TAFA4: variants seen among roughly 807,000 people sequenced by gnomAD.
TAFA4 encodes chemokine-like protein TAFA-4.
Under a neutral mutation model 21.1 loss-of-function variants are expected in TAFA4, and 20 were observed. The ratio of observed to expected loss-of-function variants is 0.95; its 90% CI spans 0.67 to 1.38. TAFA4 has a LOEUF of 1.38. Ranked by LOEUF, TAFA4 falls within the 40% of genes most tolerant of loss-of-function variation. The probability of loss-of-function intolerance (pLI) is 0.00; values close to 1 mark genes in which losing one functional copy is unlikely to be tolerated. For synonymous variants in TAFA4, 71 were observed against 67.4 expected, an observed-to-expected ratio of 1.05 and a Z score of -0.26; for missense variants, 211 against 180.9, an observed-to-expected ratio of 1.17 and a Z score of -0.95.
At chr3:68,739,261 T>G (rs1702302144) in intron 4 of TAFA4, 62 bp from the exon 5 acceptor site, 9 of 1,586,060 alleles carry the variant, frequency 5.7e-6, no homozygotes, top group Non-Finnish European at 6.9e-6. Context: ...ATGGACAAAA[T>G]AAAACTCAAT....
At chr3:68,825,501 C>T (rs79514147) in intron 3 of TAFA4, among the ~76,000 whole-genome samples, 2,138 of 152,296 alleles carry the variant, frequency 0.014, 44 homozygotes, top group African/African-American at 0.049. Flanking sequence ...AGCAAAGTAA[C>T]AGTTTCTTTA....
chr3:68,808,741 A>C (rs577257511), intron 3 of TAFA4, among the ~76,000 whole-genome samples: 1 of 152,352 alleles, frequency 6.6e-6, no homozygotes, highest in South Asian at 2.1e-4. Flanking sequence ...CACAGCAGTC[A>C]GAATAGGTTA....
chr3:68,916,856 C>T (rs113280710), intron 1 of TAFA4, among the ~76,000 whole-genome samples: 1,909 of 152,264 alleles, frequency 0.013, 28 homozygotes, highest in Middle Eastern at 0.024. Context: ...CCAGAAAGGG[C>T]TCTACCCCTG....
chr3:68,904,509 A>G (rs755699548), intron 1 of TAFA4, among the ~76,000 whole-genome samples: 1 of 152,360 alleles, frequency 6.6e-6, no homozygotes, highest in South Asian at 2.1e-4. Context: ...AAGTTTCCCA[A>G]TTTATATTGC....
At chr3:68,888,643 G>C (rs971107558) in intron 1 of TAFA4, among the ~76,000 whole-genome samples, 1 of 152,210 alleles carries the variant, frequency 6.6e-6, no homozygotes, top group East Asian at 1.9e-4. Context: ...CATAGTTCCA[G>C]AACTGGGAAG....
chr3:68,756,488 T>C (rs964023910), intron 3 of TAFA4, among the ~76,000 whole-genome samples: 1 of 152,226 alleles, frequency 6.6e-6, no homozygotes, highest in Non-Finnish European at 1.5e-5. Flanking sequence ...ATAAAACCAA[T>C]TTAAAAATAT....
intron 3 of TAFA4, among the ~76,000 whole-genome samples, chr3:68,808,814 G>T (rs1275075022): frequency 1.3e-5 from 2 of 152,142 alleles, no homozygotes; most frequent in African/African-American, 4.8e-5. Flanking sequence ...GTTTACTTCT[G>T]ACTTAATGTC....
At chr3:68,774,154 G>C (rs1229969196) in intron 3 of TAFA4, among the ~76,000 whole-genome samples, 2 of 152,168 alleles carry the variant, frequency 1.3e-5, no homozygotes, top group East Asian at 3.8e-4. Flanking sequence ...ACTTGGAAAG[G>C]TAGCCTCTGG....
chr3:68,885,357 A>C (rs565079928), intron 1 of TAFA4, 47 bp from the exon 2 acceptor site: 1 of 591,496 alleles, frequency 1.7e-6, no homozygotes, highest in South Asian at 2.3e-5. Flanking sequence ...TTAGCATTTT[A>C]ATGTTAAAAT....
chr3:68,776,505 T>C (rs1041823140), intron 3 of TAFA4, among the ~76,000 whole-genome samples: 6 of 152,176 alleles, frequency 3.9e-5, no homozygotes, highest in Admixed American at 6.5e-5. Flanking sequence ...AGCTTTAAAA[T>C]ATGTGAAACA....
chr3:68,860,666 G>A (rs2089324561), intron 3 of TAFA4, among the ~76,000 whole-genome samples: 1 of 152,106 alleles, frequency 6.6e-6, no homozygotes, highest in Admixed American at 6.6e-5. Flanking sequence ...TTGCAGTTAT[G>A]TTTTTGAGCT....
chr3:68,755,344 G>A (rs1702641873), intron 3 of TAFA4, among the ~76,000 whole-genome samples: 1 of 152,202 alleles, frequency 6.6e-6, no homozygotes. Flanking sequence ...AAGATCAGGA[G>A]TTTGTAGAAC....
At chr3:68,887,001 G>C (rs891696095) in intron 1 of TAFA4, among the ~76,000 whole-genome samples, 2 of 152,102 alleles carry the variant, frequency 1.3e-5, no homozygotes, top group Non-Finnish European at 2.9e-5. Flanking sequence ...TAGCCCAAAA[G>C]CATCAATTCA....
chr3:68,803,497 T>A (rs1703619410), intron 3 of TAFA4, among the ~76,000 whole-genome samples: 1 of 152,078 alleles, frequency 6.6e-6, no homozygotes, highest in African/African-American at 2.4e-5. Context: ...TCAGACATGA[T>A]CGTTCATAGG....
chr3:68,824,545 C>T (rs1704184168), intron 3 of TAFA4, among the ~76,000 whole-genome samples: 1 of 152,162 alleles, frequency 6.6e-6, no homozygotes, highest in South Asian at 2.1e-4. Flanking sequence ...AGGATCATTT[C>T]CCCATCTCAA....
At chr3:68,813,589 AC>A in intron 3 of TAFA4, among the ~76,000 whole-genome samples, 1 of 152,182 alleles carries the variant, frequency 6.6e-6, no homozygotes, top group East Asian at 1.9e-4. Flanking sequence ...ATTCCTCAAC[AC>A]GTACACCCTC....
chr3:68,780,361 C>T (rs144460953), intron 3 of TAFA4, among the ~76,000 whole-genome samples: 72 of 152,136 alleles, frequency 4.7e-4, no homozygotes, highest in East Asian at 9.7e-4. Flanking sequence ...ATGAGAATTG[C>T]GGGGGAGCCA....
intron 1 of TAFA4, among the ~76,000 whole-genome samples, chr3:68,908,132 G>T (rs978853538): frequency 5.9e-5 from 9 of 152,270 alleles, no homozygotes; most frequent in Non-Finnish European, 2.9e-5. Context: ...TAAAATGTAG[G>T]CTGGACGTAA....
chr3:68,763,021 G>A (rs1702783822), intron 3 of TAFA4, among the ~76,000 whole-genome samples: 1 of 152,254 alleles, frequency 6.6e-6, no homozygotes. Flanking sequence ...CTGGGCAACA[G>A]AGCGAGACTC....
Sources: allele counts gnomAD v4.1 joint callset (sites outside exome capture counted in the v4.1 genomes callset), GRCh38; gene constraint gnomAD v4.1.1; transcripts MANE v1.5; gene names NCBI Gene and HGNC (gene_info 2026-07-23, HGNC 2026-07-21).